The following BPIFB4 variants were observed in gnomAD, a reference collection of about 807,000 sequenced individuals.
BPIFB4 encodes BPI fold containing family B member 4, also known as BPI fold-containing family B member 4.
A neutral mutation model predicts 69.2 loss-of-function variants in BPIFB4; 62 were observed. That is an observed-to-expected ratio of 0.90 (90% CI 0.73 to 1.11). The LOEUF is 1.11. BPIFB4 is among the 50% of genes least tolerant of loss of function. BPIFB4 has a pLI of 0.00. For missense variants in BPIFB4, 789 were observed against 792.0 expected (o/e 1.00, Z 0.04); for synonymous variants, 330 against 332.7 (o/e 0.99, Z 0.09).
intron 9 of BPIFB4, 95 bp from the exon 10 acceptor site, chr20:33,090,613 G>A: frequency 6.4e-7 from 1 of 1,562,648 alleles, no homozygotes; most frequent in Admixed American, 1.8e-5. Context: ...GCTGGAGCCT[G>A]GGCCTACCTT....
Position 33,097,614 on chromosome 20 carries a change from C to CA in BPIFB4, c.1399-2dup. ...GTCCATCTGGCCTGGTGCCTGCCCA[C>CA]AGGTGTTCCAGCAGTACCCCGAGTC... is the stretch of plus-strand genomic sequence containing the variant. On this transcript the variant is annotated splice_polypyrimidine_tract_variant and splice_region_variant and intron_variant, in intron 12 of 17. Coordinates refer to ENST00000375483, the MANE Select transcript of BPIFB4 (RefSeq NM_182519.3). 10 of 1,613,430 alleles carry CA rather than the reference C, an allele frequency of 6.2e-6. No individual in the cohort carries two copies. The highest frequency in any genetic ancestry group is 7.6e-6 in the Non-Finnish European group (9 of 1,179,604).
chr20:33,106,049 A>T (rs1207460318), intron 16 of BPIFB4, among the ~76,000 whole-genome samples: 1 of 152,040 alleles, frequency 6.6e-6, no homozygotes, highest in South Asian at 2.1e-4. Flanking sequence ...TGCTGAAGAT[A>T]CTCCTGCAGG....
At position 33,083,838 on chromosome 20, in the gene BPIFB4, A is replaced by T. The variant is rs1981333944; in HGVS notation, c.641A>T (p.Glu214Val). Residue 214 changes from glutamate (E) to valine (V), a missense_variant, in exon 5 of 18, where the codon GAG becomes GTG. Around this residue, in one of 3 missense-constraint regions of BPIFB4, gnomAD observed 611 missense variants for 575.4 expected, o/e 1.06. Transcript: ENST00000375483. Reference sequence around the variant, plus strand: ...GGGGGTGTCCTGGGCGTGCTCGGCGAGGGTGGCATCCTCAGCACTGTGCAA... The same window carrying T: ...GGGGGTGTCCTGGGCGTGCTCGGCGTGGGTGGCATCCTCAGCACTGTGCAA... ...GGGGVLGVLG[E>V]GGILSTVQGI... 1 of 1,613,192 alleles carries T rather than the reference A, an allele frequency of 6.2e-7. No individual in the cohort carries two copies. Among genetic ancestry groups the T allele is most frequent in the East Asian group, 2.2e-5 (1 of 44,868 alleles).
chr20:33,092,249 T>C (rs1981620688), intron 10 of BPIFB4, among the ~76,000 whole-genome samples: 1 of 152,180 alleles, frequency 6.6e-6, no homozygotes. Context: ...GCTGTAATTG[T>C]AAGTGACCAT....
intron 12 of BPIFB4, 53 bp from the exon 13 acceptor site, chr20:33,097,564 G>T: frequency 1.3e-6 from 2 of 1,557,050 alleles, no homozygotes; most frequent in African/African-American, 2.7e-5. Context: ...ATAACCCCCT[G>T]GGTACCTCCT....
chr20:33,081,422 G>A (rs1981224356), intron 2 of BPIFB4, 90 bp from the exon 3 acceptor site: 2 of 1,504,694 alleles, frequency 1.3e-6, no homozygotes, highest in African/African-American at 1.4e-5. Flanking sequence ...AGGGTCCTGA[G>A]ATGACTCTTG....
At chr20:33,102,828 G>A in intron 14 of BPIFB4, 144 bp from the exon 15 acceptor site, 1 of 837,336 alleles carries the variant, frequency 1.2e-6, no homozygotes, top group Non-Finnish European at 2.0e-6. Flanking sequence ...GCATGTGAGA[G>A]CCAGCATTGT....
intron 6 of BPIFB4, among the ~76,000 whole-genome samples, chr20:33,085,391 G>A (rs1981394729): frequency 6.6e-6 from 1 of 152,172 alleles, no homozygotes; most frequent in African/African-American, 2.4e-5. Flanking sequence ...GGAGGCGGAG[G>A]TTGCAGTGAG....
chr20:33,081,741 G>A (rs1981238006), intron 3 of BPIFB4, 109 bp downstream of exon 3: 3 of 1,476,848 alleles, frequency 2.0e-6, no homozygotes, highest in African/African-American at 1.4e-5. Context: ...CACATCGGGA[G>A]GCTGGGTGAA....
intron 10 of BPIFB4, 103 bp downstream of exon 10, chr20:33,090,902 C>T: frequency 7.3e-7 from 1 of 1,363,912 alleles, no homozygotes; most frequent in Non-Finnish European, 1.0e-6. Flanking sequence ...TGGGAAGTAA[C>T]ACTTGACAGG....
At chr20:33,096,179 G>C (rs772233573) in intron 12 of BPIFB4, among the ~76,000 whole-genome samples, 3 of 152,234 alleles carry the variant, frequency 2.0e-5, no homozygotes, top group Non-Finnish European at 4.4e-5. Context: ...GCTCCAGCCA[G>C]CAGGTGGACC....
rs761625436 is a variant in BPIFB4 at position 33,083,858 on chromosome 20, G to A, written c.661G>A (p.Val221Met). ...VLGEGGILST[V>M]QGITGLRIVE... ...CGGCGAGGGTGGCATCCTCAGCACT[G>A]TGCAAGGCATCACGGGGTAAGGAGG... The change falls in exon 5 of 18, where the codon GTG (valine) becomes ATG (methionine). Residue 221 changes from valine (V) to methionine (M), a missense_variant. Transcript: ENST00000375483. 3.1e-6 allele frequency: 5 copies of A among 1,608,656 alleles called. No individual in the cohort carries two copies. The Admixed American group carries it at 6.7e-5, about 22-fold the overall frequency.
chr20:33,089,155 G>A (rs1164043178), intron 8 of BPIFB4, 126 bp downstream of exon 8: 1 of 1,461,266 alleles, frequency 6.8e-7, no homozygotes, highest in Non-Finnish European at 9.4e-7. Flanking sequence ...CAAGGCCTGG[G>A]GCATGTATTT....
At chr20:33,098,177 T>A (rs1470140766) in intron 13 of BPIFB4, among the ~76,000 whole-genome samples, 1 of 152,176 alleles carries the variant, frequency 6.6e-6, no homozygotes, top group Non-Finnish European at 1.5e-5. Flanking sequence ...AGTAAGATGC[T>A]CAGAGCAGTG....
At chr20:33,096,482 C>T (rs1981756585) in intron 12 of BPIFB4, among the ~76,000 whole-genome samples, 1 of 152,168 alleles carries the variant, frequency 6.6e-6, no homozygotes, top group Non-Finnish European at 1.5e-5. Context: ...GCCATGTTGA[C>T]CAGGCTGGTC....
intron 16 of BPIFB4, among the ~76,000 whole-genome samples, chr20:33,105,309 C>T (rs539231893): frequency 6.6e-6 from 1 of 152,254 alleles, no homozygotes; most frequent in East Asian, 1.9e-4. Flanking sequence ...TTTAATGATA[C>T]AGGAACTACA....
Position 33,100,456 on chromosome 20 carries a change from G to T in BPIFB4, c.1600G>T (p.Glu534Ter). The change falls in exon 14 of 18, where the codon GAA becomes TAA. Residue 534 changes from glutamate to a stop codon, truncating the protein, a stop_gained. Coordinates refer to ENST00000375483, the MANE Select transcript of BPIFB4 (RefSeq NM_182519.3). LOFTEE classifies it high-confidence loss of function. ...AGAATTCTTGGCCTCATTTTCCACA[G>T]AAGGAGATAAGCTCATGATTGATGC... is the stretch of plus-strand genomic sequence containing the variant. ...DTEFLASFSTEGDKLMIDAKL... is the reference protein window; with the variant it reads ...DTEFLASFST 6.2e-7 allele frequency: 1 copy of T among 1,607,258 alleles called. No individual in the cohort carries two copies. Among genetic ancestry groups the T allele is most frequent in the African/African-American group, 1.3e-5 (1 of 74,888 alleles).
rs145467241 is a variant in BPIFB4 at position 33,083,750 on chromosome 20, G to T, written c.553G>T (p.Ala185Ser). Reference sequence around the variant, plus strand: ...CATGCTGGCAGCTGATGGCATCCTCGCAGGCCAAGGTGGCCTGCTCGGCGG... The same window carrying T: ...CATGCTGGCAGCTGATGGCATCCTCTCAGGCCAAGGTGGCCTGCTCGGCGG... Reference protein sequence around the residue: ...GGMLAADGILAGQGGLLGGGG... With the variant: ...GGMLAADGILSGQGGLLGGGG... Residue 185 changes from alanine (A) to serine (S), a missense_variant, in exon 5 of 18, where the codon GCA becomes TCA. Coordinates refer to ENST00000375483, the MANE Select transcript of BPIFB4 (RefSeq NM_182519.3). 4.3e-6 allele frequency: 7 copies of T among 1,613,774 alleles called. No homozygotes were observed. In the East Asian group the frequency reaches 8.9e-5, roughly 21 times the overall value.
At chr20:33,092,298 T>A (rs771629862) in intron 10 of BPIFB4, among the ~76,000 whole-genome samples, 160 bp from the exon 11 acceptor site, 1 of 152,172 alleles carries the variant, frequency 6.6e-6, no homozygotes, top group Non-Finnish European at 1.5e-5. Flanking sequence ...CATCATAAAC[T>A]GGAGGAGAGT....
Sources: allele counts gnomAD v4.1 joint callset (sites outside exome capture counted in the v4.1 genomes callset), GRCh38; gene constraint gnomAD v4.1.1; regional missense constraint gnomAD v4.1.1; transcripts MANE v1.5; gene names NCBI Gene and HGNC (gene_info 2026-07-23, HGNC 2026-07-21).